The following VPS29 variants were observed in gnomAD, a reference collection of about 807,000 sequenced individuals.
The protein encoded by VPS29 is vacuolar protein sorting-associated protein 29.
A neutral mutation model predicts 20.0 loss-of-function variants in VPS29; 2 were observed. The observed-to-expected ratio is 0.10, with a 90% CI of 0.04 to 0.31. The LOEUF is 0.31. Ranked by LOEUF, VPS29 falls within the 10% of genes least tolerant of loss-of-function variation. VPS29 has a pLI of 1.00. For missense variants in VPS29, 120 were observed against 215.3 expected, an observed-to-expected ratio of 0.56 and a Z score of 2.77; for synonymous variants, 81 against 79.3, an observed-to-expected ratio of 1.02 and a Z score of -0.12.
rs2062824740 is a variant in VPS29, at chr12:110,492,052, T to G, written c.502A>C (p.Ile168Leu). The G allele has an allele frequency of 1.2e-6, 2 of 1,613,910 alleles. No individual in the cohort carries two copies. The highest frequency in any genetic ancestry group is 2.2e-5 in the East Asian group (1 of 44,854). ...STVVTYVYQL[I>L]GDDVKVERIE... is the part of the protein sequence containing the mutation. ...CGTTCTACTTTCACATCATCTCCAA[T>G]TAGCTGATACACATAGGTGACCACT... The change falls in exon 4 of 4, where the codon ATT (isoleucine) becomes CTT (leucine). Residue 168 changes from isoleucine (I) to leucine (L), a missense_variant. Transcript: ENST00000549578.
chr12:110,499,034 T>A (rs1234230150), intron 1 of VPS29: 2 of 160,248 alleles, frequency 1.2e-5, no homozygotes, highest in African/African-American at 4.8e-5. Flanking sequence ...TAATAATGAA[T>A]GAGCTGTTCA....
rs1455603421 is a variant in VPS29, at chr12:110,501,810, C to T, written c.3+239G>A. 11 of 1,160,242 alleles carry T rather than the reference C, an allele frequency of 9.5e-6. No individual in the cohort carries two copies. The Admixed American group carries it at 9.9e-5, about 10-fold the overall frequency. 71.9% of individuals were successfully genotyped at this position (1,160,242 alleles called of 1,614,324 possible). ...GGCTGCTAGAGGGGCCTTTTTACCC[C>T]TTGGATGGCCTCTGGCCCCTTGGGG... On this transcript the variant is annotated intron_variant, in intron 1 of 3. Transcript: ENST00000549578.
At chr12:110,499,690 TTAA>T (rs1242987749) in intron 1 of VPS29, 1 of 634,154 alleles carries the variant, frequency 1.6e-6, no homozygotes, top group African/African-American at 1.9e-5. Flanking sequence ...CAAACAATTG[TTAA>T]TGATTTCTGA....
At chr12:110,498,106 G>T (rs2062938016) in intron 1 of VPS29, among the ~76,000 whole-genome samples, 1 of 151,668 alleles carries the variant, frequency 6.6e-6, no homozygotes, top group South Asian at 2.1e-4. Flanking sequence ...CGAGTAGCTG[G>T]GATTACAAGC....
Position 110,502,069 on chromosome 12 carries a change from C to T in VPS29, c.-18G>A. ...CTCACCATCCTGTCACCGGGCTCCG[C>T]TCAGTCACCACCACCGTCGCCGCCC... On this transcript the variant is annotated 5_prime_UTR_variant, in exon 1 of 4. Transcript: ENST00000549578. 1.2e-6 allele frequency: 2 copies of T among 1,611,412 alleles called. No homozygotes were observed. Among genetic ancestry groups the T allele is most frequent in the African/African-American group, 1.3e-5 (1 of 75,042 alleles).
At chr12:110,500,245 G>A (rs2062982959) in intron 1 of VPS29, among the ~76,000 whole-genome samples, 1 of 152,156 alleles carries the variant, frequency 6.6e-6, no homozygotes, top group African/African-American at 2.4e-5. Flanking sequence ...AGTGTTGAAC[G>A]TCTGTATCCT....
intron 1 of VPS29, chr12:110,501,703 C>T (rs2135616342): frequency 7.4e-7 from 1 of 1,347,324 alleles, no homozygotes; most frequent in East Asian, 2.5e-5. Context: ...AAACGGAGGA[C>T]CGTGCCCCTA....
rs761602297 is a variant in VPS29 at position 110,493,206 on chromosome 12, A to G, written c.221T>C (p.Val74Ala). 4.5e-6 allele frequency: 7 copies of G among 1,555,596 alleles called. No individual in the cohort carries two copies. The highest frequency in any genetic ancestry group is 4.0e-5 in the Admixed American group (2 of 49,412). ...DENLNYPEQK[V>A]VTVGQFKIGL... ...AATTTTGAACTGTCCAACAGTCACAACTTTCTGTTCTGGATAATTCAGATT... is the reference window on the plus strand; with the variant it reads ...AATTTTGAACTGTCCAACAGTCACAGCTTTCTGTTCTGGATAATTCAGATT... Residue 74 changes from valine (V) to alanine (A), a missense_variant, in exon 3 of 4, where the codon GTT becomes GCT. Transcript: ENST00000549578.
chr12:110,501,384 T>C (rs1173854638), intron 1 of VPS29: 8 of 1,535,002 alleles, frequency 5.2e-6, no homozygotes, highest in Non-Finnish European at 6.1e-6. Context: ...CCCAACAGTT[T>C]CAATGAGTTC....
At position 110,502,075 on chromosome 12, in the gene VPS29, C is replaced by T. The variant is rs1245971406; in HGVS notation, c.-24G>A. ...ATCCTGTCACCGGGCTCCGCTCAGT[C>T]ACCACCACCGTCGCCGCCCTCTTCC... On this transcript the variant is annotated 5_prime_UTR_variant, in exon 1 of 4. Transcript: ENST00000549578. 5 of 1,610,176 alleles carry T rather than the reference C, an allele frequency of 3.1e-6. No homozygotes were observed. The highest frequency in any genetic ancestry group is 1.1e-5 in the South Asian group (1 of 91,040).
chr12:110,492,068 G>A lies in VPS29; in HGVS notation c.486C>T (p.Thr162=), dbSNP rs763788076. 1.1e-5 allele frequency: 18 copies of A among 1,613,544 alleles called. No individual in the cohort carries two copies. The highest frequency in any genetic ancestry group is 5.0e-5 in the Admixed American group (3 of 59,940). The part of the protein sequence containing the change: ...LMDIQASTVV[T]YVYQLIGDDV... Reference sequence around the variant, plus strand: ...CATCTCCAATTAGCTGATACACATAGGTGACCACTGTAGAAGCCTGGATAT... The same window carrying A: ...CATCTCCAATTAGCTGATACACATAAGTGACCACTGTAGAAGCCTGGATAT... The change falls in exon 4 of 4, where the codon ACC becomes ACT. Residue 162 remains threonine, a synonymous_variant. Coordinates refer to ENST00000549578, the MANE Select transcript of VPS29 (RefSeq NM_016226.5).
chr12:110,500,008 T>C (rs1382857534), intron 1 of VPS29, among the ~76,000 whole-genome samples: 1 of 152,232 alleles, frequency 6.6e-6, no homozygotes, highest in Non-Finnish European at 1.5e-5. Context: ...TTCAAGTATA[T>C]GGATGTTAAT....
chr12:110,500,752 A>AT (rs60375403), intron 1 of VPS29, among the ~76,000 whole-genome samples: 1,905 of 144,884 alleles, frequency 0.013, 11 homozygotes, highest in Non-Finnish European at 0.019. Context: ...CAAACAATTG[A>AT]TTTTTTTTTT....
intron 1 of VPS29, chr12:110,501,835 G>A: frequency 1.6e-6 from 2 of 1,272,164 alleles, no homozygotes; most frequent in Non-Finnish European, 1.1e-6. Flanking sequence ...GCCCCTTGGG[G>A]CCGGGATACG....
intron 1 of VPS29, chr12:110,496,473 A>C (rs2135582467): frequency 3.7e-6 from 1 of 270,902 alleles, no homozygotes; most frequent in Admixed American, 4.8e-5. Context: ...TTTGTTCTAA[A>C]TCAATCTTAT....
intron 2 of VPS29, 110 bp downstream of exon 2, chr12:110,495,902 G>GAAA: frequency 7.6e-5 from 63 of 823,972 alleles, no homozygotes; most frequent in South Asian, 2.0e-4. Flanking sequence ...AAGAAAAAGG[G>GAAA]AAAAAAAAAA....
Position 110,491,589 on chromosome 12 carries a change from G to GT in VPS29, c.*415dup, listed in dbSNP as rs770163611. ...GTTTCACTTGGTTCCTCATTTTTAT[G>GT]TTTTTTTTTAAATTAAATACAGGTT... On this transcript the variant is annotated 3_prime_UTR_variant, in exon 4 of 4. Coordinates refer to ENST00000549578, the MANE Select transcript of VPS29 (RefSeq NM_016226.5). 105 of 155,022 alleles carry GT rather than the reference G, an allele frequency of 6.8e-4. No homozygotes were observed. In the East Asian group the frequency reaches 8.2e-3, roughly 12 times the overall value. 9.6% of individuals were successfully genotyped at this position (155,022 alleles called of 1,614,324 possible).
intron 1 of VPS29, chr12:110,501,708 C>A: frequency 1.5e-6 from 2 of 1,314,358 alleles, no homozygotes; most frequent in Non-Finnish European, 2.1e-6. Flanking sequence ...GAGGACCGTG[C>A]CCCTATCCCC....
intron 1 of VPS29, chr12:110,501,334 G>A (rs911131756): frequency 6.6e-7 from 1 of 1,516,034 alleles, no homozygotes; most frequent in Non-Finnish European, 8.8e-7. Context: ...CTCCAACACC[G>A]GCACTCTCCC....
Sources: gnomAD v4.1 joint callset for allele counts (sites outside exome capture counted in the v4.1 genomes callset) on GRCh38, gnomAD v4.1.1 for gene constraint, MANE v1.5 for transcripts, NCBI Gene and HGNC (gene_info 2026-07-23, HGNC 2026-07-21) for gene names.